Variants in ADAM12 observed in about 807,000 individuals in gnomAD.
ADAM12 encodes the protein disintegrin and metalloproteinase domain-containing protein 12.
ADAM12 carries 70 observed loss-of-function variants against 106.4 expected under a neutral mutation model. The ratio of observed to expected loss-of-function variants is 0.66; its 90% CI spans 0.54 to 0.80. ADAM12 has a LOEUF of 0.80. ADAM12 is among the 30% of genes least tolerant of loss of function. The pLI, the probability that ADAM12 is intolerant of heterozygous loss-of-function variation, is 0.00. For missense variants in ADAM12, 1,010 were observed against 1,171.9 expected (o/e 0.86, Z 2.02); for synonymous variants, 420 against 433.5 (o/e 0.97, Z 0.39).
intron 7 of ADAM12, 47 bp downstream of exon 7, chr10:126,109,723 TTTTTC>T (rs1381623570): frequency 2.5e-5 from 38 of 1,544,338 alleles, no homozygotes; most frequent in Non-Finnish European, 3.4e-5. Flanking sequence ...AACATGTCCT[TTTTTC>T]TTTTATCTCT....
At chr10:126,287,307 C>CT (rs1565192023) in intron 2 of ADAM12, among the ~76,000 whole-genome samples, 1 of 152,148 alleles carries the variant, frequency 6.6e-6, no homozygotes, top group African/African-American at 2.4e-5. Flanking sequence ...CTTTCTTGAG[C>CT]TTACTATTGG....
chr10:126,354,665 A>G (rs1006976820), intron 1 of ADAM12, among the ~76,000 whole-genome samples: 1 of 152,232 alleles, frequency 6.6e-6, no homozygotes, highest in Non-Finnish European at 1.5e-5. Flanking sequence ...TTTAATGCCA[A>G]GAACAAACTG....
intron 3 of ADAM12, among the ~76,000 whole-genome samples, chr10:126,174,158 C>T (rs1255062102): frequency 6.6e-6 from 1 of 151,162 alleles, no homozygotes; most frequent in Non-Finnish European, 1.5e-5. Context: ...ATATTTTATT[C>T]CATTTGCTTT....
chr10:126,280,067 A>G (rs946588943), intron 2 of ADAM12, among the ~76,000 whole-genome samples: 4 of 152,212 alleles, frequency 2.6e-5, no homozygotes, highest in African/African-American at 9.7e-5. Context: ...CACAATATAT[A>G]TAATGTTTCA....
intron 11 of ADAM12, among the ~76,000 whole-genome samples, chr10:126,075,495 A>G (rs1252640359): frequency 6.6e-6 from 1 of 152,242 alleles, no homozygotes; most frequent in East Asian, 1.9e-4. Flanking sequence ...TGGGGCCAAC[A>G]GATAATAGGC....
At chr10:126,174,668 A>T (rs1957184678) in intron 3 of ADAM12, among the ~76,000 whole-genome samples, 2 of 151,880 alleles carry the variant, frequency 1.3e-5, no homozygotes, top group South Asian at 4.2e-4. Context: ...CCCTATACTC[A>T]CTACCCTTAG....
intron 16 of ADAM12, among the ~76,000 whole-genome samples, chr10:126,046,521 G>A (rs2133428306): frequency 6.6e-6 from 1 of 152,112 alleles, no homozygotes; most frequent in African/African-American, 2.4e-5. Flanking sequence ...AGGAGAGGGC[G>A]AGGTTGGGCA....
chr10:126,261,634 T>G (rs1959003115), intron 3 of ADAM12, among the ~76,000 whole-genome samples: 1 of 152,124 alleles, frequency 6.6e-6, no homozygotes, highest in South Asian at 2.1e-4. Flanking sequence ...ATACACTATC[T>G]GGAACACAGT....
At chr10:126,277,438 A>G (rs1959319149) in intron 3 of ADAM12, among the ~76,000 whole-genome samples, 1 of 152,166 alleles carries the variant, frequency 6.6e-6, no homozygotes, top group African/African-American at 2.4e-5. Context: ...GCTGCCCACC[A>G]CAACAACCCC....
At chr10:126,086,703 AT>A (rs1407469562) in intron 11 of ADAM12, among the ~76,000 whole-genome samples, 18 of 103,308 alleles carry the variant, frequency 1.7e-4, no homozygotes, top group African/African-American at 7.0e-4. Flanking sequence ...ATATATATAT[AT>A]ATAAAATAAA....
intron 5 of ADAM12, among the ~76,000 whole-genome samples, chr10:126,121,183 C>A (rs1426785251): frequency 3.3e-5 from 3 of 91,634 alleles, no homozygotes; most frequent in South Asian, 6.1e-4. Context: ...ACTATATACA[C>A]TATATACTAT....
chr10:126,236,566 G>T (rs975610423), intron 3 of ADAM12, among the ~76,000 whole-genome samples: 6 of 152,140 alleles, frequency 3.9e-5, no homozygotes, highest in Non-Finnish European at 8.8e-5. Context: ...ACGGCTCTGC[G>T]GGGGGAGCTG....
intron 3 of ADAM12, among the ~76,000 whole-genome samples, chr10:126,244,942 A>G (rs1958600046): frequency 6.6e-6 from 1 of 152,230 alleles, no homozygotes; most frequent in Non-Finnish European, 1.5e-5. Context: ...GAACAGGAGA[A>G]GCCAAGACAT....
chr10:126,226,511 T>G (rs1958199730), intron 3 of ADAM12, among the ~76,000 whole-genome samples: 1 of 152,176 alleles, frequency 6.6e-6, no homozygotes, highest in Non-Finnish European at 1.5e-5. Context: ...GGACTGGGAT[T>G]GGGCTGTCGA....
In ADAM12 at chr10:126,015,476, G is replaced by A. The variant is rs1218472437; in HGVS notation, c.*1803C>T. ...TCTCAGCAGTATTATTTTCCAGCAT[G>A]GCTTTACATTTTAAAGAACTTAATA... On this transcript the variant is annotated 3_prime_UTR_variant, in exon 23 of 23. Coordinates refer to ENST00000448723, the MANE Select transcript of ADAM12 (RefSeq NM_001288973.2). The A allele has an allele frequency of 6.6e-6, 1 of 152,132 alleles. No homozygotes were observed. Among genetic ancestry groups the A allele is most frequent in the Non-Finnish European group, 1.5e-5 (1 of 68,034 alleles). The allele number at this position is 152,132 out of a possible 1,614,324, so 9.4% of individuals were successfully genotyped here. A position where few individuals can be genotyped will look rare whatever the true frequency, so the allele number is the denominator to read the frequency against.
chr10:126,073,899 TG>T (rs1380864880), intron 11 of ADAM12, among the ~76,000 whole-genome samples: 3 of 152,328 alleles, frequency 2.0e-5, no homozygotes, highest in East Asian at 3.9e-4. Flanking sequence ...AAAATGATAA[TG>T]TTTTTGCAAT....
chr10:126,253,035 C>T (rs1329555402), intron 3 of ADAM12, among the ~76,000 whole-genome samples: 2 of 152,210 alleles, frequency 1.3e-5, no homozygotes, highest in Admixed American at 6.5e-5. Flanking sequence ...TCTATTATAG[C>T]TACTGTCACA....
chr10:126,135,580 T>C lies in ADAM12; in HGVS notation c.416+4A>G, dbSNP rs201717379. The stretch of plus-strand genomic sequence containing the variant: ...CTAGAGCCGCCATGGTCATGGCCAC[T>C]TACCTGAGACCAGAACACGTGCTGA... On this transcript the variant is annotated splice_donor_region_variant and intron_variant, in intron 5 of 22. Coordinates refer to ENST00000448723, the MANE Select transcript of ADAM12 (RefSeq NM_001288973.2). The C allele has an allele frequency of 6.1e-5, 98 of 1,613,862 alleles. No homozygotes were observed. Among genetic ancestry groups the C allele is most frequent in the Non-Finnish European group, 8.2e-5 (97 of 1,179,850 alleles).
At chr10:126,345,506 CG>C (rs1466159064) in intron 1 of ADAM12, among the ~76,000 whole-genome samples, 17 of 152,134 alleles carry the variant, frequency 1.1e-4, no homozygotes, top group Admixed American at 2.0e-4. Flanking sequence ...TGTCTCTGCC[CG>C]GCTTTGGTAT....
Sources: gnomAD v4.1 joint callset for allele counts (sites outside exome capture counted in the v4.1 genomes callset) on GRCh38, gnomAD v4.1.1 for gene constraint, MANE v1.5 for transcripts, NCBI Gene and HGNC (gene_info 2026-07-23, HGNC 2026-07-21) for gene names.